Variants in ANKRD36B observed in about 807,000 individuals in gnomAD.
ANKRD36B encodes ankyrin repeat domain-containing protein 36B.
ANKRD36B carries 37 observed loss-of-function variants against 135.7 expected under a neutral mutation model. That is an observed-to-expected ratio of 0.27 (90% CI 0.21 to 0.36). The LOEUF is 0.36. Among genes scored for constraint, ANKRD36B ranks in the 10% least tolerant of loss-of-function variants. The pLI, the probability that ANKRD36B is intolerant of heterozygous loss-of-function variation, is 1.00. For synonymous variants in ANKRD36B, 179 were observed against 348.1 expected (o/e 0.51, Z 5.41); for missense variants, 549 against 1,037.1 (o/e 0.53, Z 6.46).
intron 6 of ANKRD36B, among the ~76,000 whole-genome samples, chr2:97,564,153 T>TTTTTC (rs1353800472): frequency 1.3e-5 from 2 of 151,718 alleles, no homozygotes; most frequent in African/African-American, 4.8e-5. Flanking sequence ...GGGTGATTTC[T>TTTTTC]TTTGCTTTTT....
intron 3 of ANKRD36B, among the ~76,000 whole-genome samples, chr2:97,584,229 CAG>C (rs1235011637): frequency 9.3e-6 from 1 of 107,680 alleles, no homozygotes; most frequent in Non-Finnish European, 1.7e-5. Flanking sequence ...CTGGTTTCCT[CAG>C]AGTCTTACCA....
At position 97,527,207 on chromosome 2, in the gene ANKRD36B, C is replaced by T. The variant is rs1485944533; in HGVS notation, c.2266-3740G>A. 3.1e-5 allele frequency among the ~76,000 whole-genome samples: 3 copies of T among 96,112 alleles called. 1 individual carries two copies. Among genetic ancestry groups the T allele is most frequent in the Non-Finnish European group, 5.5e-5 (2 of 36,224 alleles). 63.1% of individuals were successfully genotyped at this position (96,112 alleles called of 152,430 possible). A position where few individuals can be genotyped will look rare whatever the true frequency, so the allele number is the denominator to read the frequency against. ...CCCATCAGACTAACAGTGGATCTCT[C>T]GGCAGAAACTCTACAAACCAGAAGA... On this transcript the variant is annotated intron_variant, in intron 35 of 43. Coordinates refer to ENST00000359901, the MANE Select transcript of ANKRD36B (RefSeq NM_001393939.1).
intron 43 of ANKRD36B, among the ~76,000 whole-genome samples, chr2:97,498,083 GA>G (rs1371398004): frequency 2.2e-5 from 1 of 45,434 alleles, no homozygotes; most frequent in Non-Finnish European, 5.3e-5. Flanking sequence ...TTTATTAGCA[GA>G]AAAAAAGAAT....
At position 97,585,286 on chromosome 2, in the gene ANKRD36B, T is replaced by C; in HGVS notation, c.274A>G (p.Lys92Glu). ...TCAAAGAGTCAGCTACTATGTACCT[T>C]GATCAGAGGTGTCCTGTCTTCACGG... is the stretch of plus-strand genomic sequence containing the variant. ...CDREDRTPLI[K>E]AVQLRQEACA... Residue 92 changes from lysine to glutamate, a missense_variant and splice_region_variant, in exon 2 of 44, where the codon AAG becomes GAG. Transcript: ENST00000359901. The C allele has an allele frequency of 6.3e-7, 1 of 1,586,856 alleles. No homozygotes were observed. The highest frequency in any genetic ancestry group is 8.6e-7 in the Non-Finnish European group (1 of 1,164,632).
chr2:97,529,750 T>C (rs2078457199), intron 35 of ANKRD36B, among the ~76,000 whole-genome samples: 2 of 93,670 alleles, frequency 2.1e-5, no homozygotes, highest in South Asian at 2.4e-4. Flanking sequence ...AGCATTCTTA[T>C]ACAACAATAA....
intron 16 of ANKRD36B, among the ~76,000 whole-genome samples, chr2:97,552,137 G>A (rs1488703857): frequency 2.6e-5 from 4 of 151,880 alleles, no homozygotes; most frequent in South Asian, 2.1e-4. Context: ...TCATCCAGTC[G>A]TGACACCAAA....
rs2079594330 is a variant in ANKRD36B, at chr2:97,547,587, A to T, written c.1528T>A (p.Ser510Thr). 1.9e-6 allele frequency: 3 copies of T among 1,570,348 alleles called. No individual in the cohort carries two copies. The highest frequency in any genetic ancestry group is 2.6e-6 in the Non-Finnish European group (3 of 1,150,936). Reference protein sequence around the residue: ...GLKATRDEKDSLLNIARGKKD... With the variant: ...GLKATRDEKDTLLNIARGKKD... The stretch of plus-strand genomic sequence containing the variant: ...TTTCCTCTGGCTATATTCAAAAGAG[A>T]ATCTTTCTCGTCTCTTGTAGCCTGA... The change falls in exon 22 of 44, where the codon TCT becomes ACT. Residue 510 changes from serine to threonine, a missense_variant. By Grantham distance (58) the Ser-to-Thr change is moderately conservative. Transcript: ENST00000359901.
intron 1 of ANKRD36B, among the ~76,000 whole-genome samples, chr2:97,589,227 CCATCCACG>C (rs2083238624): frequency 1.7e-5 from 2 of 117,022 alleles, no homozygotes; most frequent in African/African-American, 6.8e-5. Flanking sequence ...CCACCCCACA[CCATCCACG>C]CCCCTACCCC....
chr2:97,496,853 A>ATATATATATATG lies in ANKRD36B; in HGVS notation c.*7-3999_*7-3998insCATATATATATA, dbSNP rs1332942249. On this transcript the variant is annotated intron_variant, in intron 43 of 43. Coordinates refer to ENST00000359901, the MANE Select transcript of ANKRD36B (RefSeq NM_001393939.1). ...TGTGTGTATATATATATATATATAT[A>ATATATATATATG]TATATATCTTTTAAAATATTACTGC... Among the ~76,000 whole-genome samples, 155 of 72,172 alleles carry ATATATATATATG rather than the reference A, an allele frequency of 2.1e-3. 13 individuals are homozygous for ATATATATATATG. The highest frequency in any genetic ancestry group is 9.4e-3 in the African/African-American group (148 of 15,690). 47.3% of individuals were successfully genotyped at this position (72,172 alleles called of 152,430 possible).
At chr2:97,574,983 A>G (rs1457808477) in intron 6 of ANKRD36B, among the ~76,000 whole-genome samples, 2 of 152,060 alleles carry the variant, frequency 1.3e-5, no homozygotes, top group African/African-American at 2.4e-5. Context: ...CAATCACATC[A>G]ATAGCCCACA....
intron 6 of ANKRD36B, among the ~76,000 whole-genome samples, chr2:97,569,798 T>C (rs902794075): frequency 6.6e-6 from 1 of 152,170 alleles, no homozygotes; most frequent in African/African-American, 2.4e-5. Flanking sequence ...TATTACCATA[T>C]ATTATAGCAA....
chr2:97,576,521 A>G lies in ANKRD36B; in HGVS notation c.696-75T>C. 8 of 508,458 alleles carry G rather than the reference A, an allele frequency of 1.6e-5. No individual in the cohort carries two copies. In the South Asian group the frequency reaches 1.6e-4, roughly 10 times the overall value. 31.5% of individuals were successfully genotyped at this position (508,458 alleles called of 1,614,324 possible). A position where few individuals can be genotyped will look rare whatever the true frequency, so the allele number is the denominator to read the frequency against. On this transcript the variant is annotated intron_variant, in intron 5 of 43. Coordinates refer to ENST00000359901, the MANE Select transcript of ANKRD36B (RefSeq NM_001393939.1). ...CATTTACCAAATATACTAAATTATT[A>G]GAGTATCTTGAACAATATCAGGATG...
At chr2:97,566,268 C>A (rs1365409433) in intron 6 of ANKRD36B, among the ~76,000 whole-genome samples, 1 of 152,054 alleles carries the variant, frequency 6.6e-6, no homozygotes, top group East Asian at 1.9e-4. Context: ...TTGCAGTGAG[C>A]CGAGATTGTG....
intron 43 of ANKRD36B, among the ~76,000 whole-genome samples, chr2:97,494,043 A>G (rs2077274729): frequency 9.3e-6 from 1 of 107,082 alleles, no homozygotes; most frequent in African/African-American, 2.6e-5. Flanking sequence ...AAGTTCCACA[A>G]GTTTCCTCAT....
At chr2:97,494,717 C>CT (rs2077285624) in intron 43 of ANKRD36B, among the ~76,000 whole-genome samples, 1 of 89,936 alleles carries the variant, frequency 1.1e-5, no homozygotes, top group African/African-American at 3.0e-5. Context: ...ATTTGGTTTC[C>CT]TTTGGGCTTT....
At position 97,524,942 on chromosome 2, in the gene ANKRD36B, A is replaced by T. The variant is rs1375949960; in HGVS notation, c.2266-1475T>A. On this transcript the variant is annotated intron_variant, in intron 35 of 43. Coordinates refer to ENST00000359901, the MANE Select transcript of ANKRD36B (RefSeq NM_001393939.1). ...TTGCACATGCAAAAGTGGAAGATAA[A>T]TTTGCTAGTTTTCTTTCTCAGATGT... 2 of 97,486 alleles carry T rather than the reference A, an allele frequency of 2.1e-5. 1 individual carries two copies. The highest frequency in any genetic ancestry group is 5.5e-5 in the Non-Finnish European group (2 of 36,560). 6.0% of individuals were successfully genotyped at this position (97,486 alleles called of 1,614,324 possible).
In ANKRD36B at chr2:97,575,662, A is replaced by G. The variant is rs1467829692; in HGVS notation, c.763+717T>C. On this transcript the variant is annotated intron_variant, in intron 6 of 43. Transcript: ENST00000359901. The stretch of plus-strand genomic sequence containing the variant: ...TCACAGGAAAAGATCCCTATCAACT[A>G]TTATTGTTTTTTTATAAATAAAAAA... Among the ~76,000 whole-genome samples the G allele has an allele frequency of 6.1e-5, 9 of 148,512 alleles. No homozygotes were observed. In the Admixed American group the frequency reaches 6.1e-4, roughly 10 times the overall value.
At chr2:97,566,269 C>T (rs533551549) in intron 6 of ANKRD36B, among the ~76,000 whole-genome samples, 3 of 151,892 alleles carry the variant, frequency 2.0e-5, no homozygotes, top group East Asian at 1.9e-4. Context: ...TGCAGTGAGC[C>T]GAGATTGTGC....
chr2:97,568,103 CT>C (rs1360157001), intron 6 of ANKRD36B, among the ~76,000 whole-genome samples: 1 of 151,984 alleles, frequency 6.6e-6, no homozygotes, highest in Non-Finnish European at 1.5e-5. Context: ...TATTATTAAT[CT>C]CTTATTGTGC....
Sources: gnomAD v4.1 joint callset for allele counts (sites outside exome capture counted in the v4.1 genomes callset) on GRCh38, gnomAD v4.1.1 for gene constraint, MANE v1.5 for transcripts, NCBI Gene and HGNC (gene_info 2026-07-23, HGNC 2026-07-21) for gene names.